Variants in CAP1 observed in about 807,000 individuals in gnomAD.
The protein encoded by CAP1 is cyclase associated actin cytoskeleton regulatory protein 1, also known as adenylyl cyclase-associated protein 1.
Under a neutral mutation model 58.2 loss-of-function variants are expected in CAP1, and 11 were observed. That is an observed-to-expected ratio of 0.19 (90% confidence interval 0.12 to 0.31). The LOEUF (loss-of-function observed/expected upper bound fraction) is 0.31, where lower values mean the gene tolerates loss of function less well. CAP1 is among the 10% of genes least tolerant of loss of function. The pLI is 1.00. For synonymous variants in CAP1, 183 were observed against 213.8 expected (o/e 0.86, Z 1.26); for missense variants, 423 against 587.5 (o/e 0.72, Z 2.89).
intron 11 of CAP1, 24 bp downstream of exon 11, chr1:40,070,536 CT>C: frequency 6.5e-7 from 1 of 1,548,332 alleles, no homozygotes; most frequent in Non-Finnish European, 8.9e-7. Context: ...TTGGCTCCTT[CT>C]TTTTGTCCCT....
At chr1:40,049,603 C>T (rs905357079) in intron 1 of CAP1, among the ~76,000 whole-genome samples, 4 of 152,156 alleles carry the variant, frequency 2.6e-5, no homozygotes, top group African/African-American at 9.7e-5. Context: ...AAAAGCTTGT[C>T]TGTTCTCATG....
chr1:40,070,814 G>A (rs755419610), intron 11 of CAP1, 22 bp from the exon 12 acceptor site: 45 of 1,595,146 alleles, frequency 2.8e-5, no homozygotes, highest in Non-Finnish European at 3.8e-5. Flanking sequence ...CTGGGACTCA[G>A]TTCTCTTTGT....
At chr1:40,048,006 GAGA>G (rs1343771650) in intron 1 of CAP1, among the ~76,000 whole-genome samples, 1 of 152,002 alleles carries the variant, frequency 6.6e-6, no homozygotes, top group East Asian at 1.9e-4. Flanking sequence ...CAAATGCTTA[GAGA>G]AGAACAGTGG....
At chr1:40,044,311 A>G (rs1645981380) in intron 1 of CAP1, among the ~76,000 whole-genome samples, 1 of 152,170 alleles carries the variant, frequency 6.6e-6, no homozygotes, top group Admixed American at 6.5e-5. Flanking sequence ...ACTTAAGCAA[A>G]TGCAATGTGT....
intron 1 of CAP1, among the ~76,000 whole-genome samples, chr1:40,044,579 T>C (rs904054268): frequency 6.6e-6 from 1 of 152,160 alleles, no homozygotes; most frequent in Admixed American, 6.5e-5. Context: ...TTACAAAGAA[T>C]AAATTCTGAA....
In CAP1 at chr1:40,063,261, T is replaced by C. The variant is rs1013912074; in HGVS notation, c.295-966T>C. ...GGCAGGATCTCGGCTCACTGAAACC[T>C]CCACCTCCCAGGCTCAAGTGATTCT... On this transcript the variant is annotated intron_variant, in intron 4 of 12. Coordinates refer to ENST00000372805, the MANE Select transcript of CAP1 (RefSeq NM_006367.4). Among the ~76,000 whole-genome samples, 9 of 151,978 alleles carry C rather than the reference T, an allele frequency of 5.9e-5. 1 individual carries two copies. The highest frequency in any genetic ancestry group is 1.2e-4 in the Non-Finnish European group (8 of 68,010).
intron 1 of CAP1, among the ~76,000 whole-genome samples, chr1:40,056,286 T>A (rs1235595297): frequency 6.9e-6 from 1 of 144,242 alleles, no homozygotes; most frequent in Non-Finnish European, 1.5e-5. Context: ...TAGCGATGTC[T>A]AGGTGAAAGC....
Position 40,059,404 on chromosome 1 carries a change from G to A in CAP1, c.58G>A (p.Ala20Thr). ...GGAGAGGGCAGTGGGCCGCCTGGAG[G>A]CAGTATCTCATACCTCTGACATGCA... The part of the protein sequence containing the change: ...RLERAVGRLE[A>T]VSHTSDMHRG... Residue 20 changes from alanine to threonine, a missense_variant, in exon 2 of 13, where the codon GCA becomes ACA. Transcript: ENST00000372805. 6.2e-7 allele frequency: 1 copy of A among 1,613,992 alleles called. No individual in the cohort carries two copies. Among genetic ancestry groups the A allele is most frequent in the South Asian group, 1.1e-5 (1 of 91,080 alleles).
Position 40,059,293 on chromosome 1 carries a change from A to T in CAP1, c.-10-44A>T, listed in dbSNP as rs1419590259. 14 of 1,162,170 alleles carry T rather than the reference A, an allele frequency of 1.2e-5. No individual in the cohort carries two copies. The Admixed American group carries it at 1.5e-4, about 13-fold the overall frequency. 72.0% of individuals were successfully genotyped at this position (1,162,170 alleles called of 1,614,324 possible). A position where few individuals can be genotyped will look rare whatever the true frequency, so the allele number is the denominator to read the frequency against. ...TTCTGTTTTTTTCTCTGTAGGTGCTATTTAATATTTAAATAACAAATGACA... is the reference window on the plus strand; with the variant it reads ...TTCTGTTTTTTTCTCTGTAGGTGCTTTTTAATATTTAAATAACAAATGACA... On this transcript the variant is annotated intron_variant, in intron 1 of 12. Coordinates refer to ENST00000372805, the MANE Select transcript of CAP1 (RefSeq NM_006367.4).
chr1:40,063,024 G>T (rs960037407), intron 4 of CAP1, among the ~76,000 whole-genome samples: 1 of 151,738 alleles, frequency 6.6e-6, no homozygotes, highest in Non-Finnish European at 1.5e-5. Context: ...TTGAGACAGG[G>T]TGTTGTTTTG....
At chr1:40,043,942 A>G (rs1645962832) in intron 1 of CAP1, among the ~76,000 whole-genome samples, 1 of 152,194 alleles carries the variant, frequency 6.6e-6, no homozygotes, top group Non-Finnish European at 1.5e-5. Flanking sequence ...TTGGGTAGGC[A>G]TAATTGATAT....
At chr1:40,056,629 T>C (rs916918068) in intron 1 of CAP1, among the ~76,000 whole-genome samples, 8 of 152,172 alleles carry the variant, frequency 5.3e-5, no homozygotes, top group Non-Finnish European at 1.0e-4. Context: ...ATGAATGGCC[T>C]GAGCTAGATG....
intron 1 of CAP1, among the ~76,000 whole-genome samples, chr1:40,044,755 G>A (rs977647436): frequency 2.1e-5 from 3 of 141,798 alleles, no homozygotes; most frequent in Admixed American, 1.4e-4. Context: ...GTTTCTCAAC[G>A]TTGGCACAAT....
intron 1 of CAP1, among the ~76,000 whole-genome samples, chr1:40,050,516 G>A (rs1311978926): frequency 9.5e-5 from 13 of 136,858 alleles, no homozygotes; most frequent in Non-Finnish European, 1.7e-4. Context: ...AAAATTCGCC[G>A]GGCGTGGTGG....
chr1:40,059,690 T>G (rs975679276), intron 2 of CAP1, among the ~76,000 whole-genome samples: 11 of 152,204 alleles, frequency 7.2e-5, no homozygotes, highest in Non-Finnish European at 1.5e-4. Flanking sequence ...CTGCTCTTTC[T>G]TTAGCAGAAT....
Position 40,070,479 on chromosome 1 carries a change from G to A in CAP1, c.1167G>A (p.Val389=). ...GLVFDDVVGI[V]EIINSKDVKV... is the part of the protein sequence containing the mutation. ...TATTCGATGACGTGGTGGGCATTGTGGAGATAATCAACAGTAAGGATGTCA... is the reference window on the plus strand; with the variant it reads ...TATTCGATGACGTGGTGGGCATTGTAGAGATAATCAACAGTAAGGATGTCA... Residue 389 remains valine (V), a synonymous_variant, in exon 11 of 13, where the codon GTG becomes GTA. Transcript: ENST00000372805. 5 of 1,614,072 alleles carry A rather than the reference G, an allele frequency of 3.1e-6. No individual in the cohort carries two copies. Among genetic ancestry groups the A allele is most frequent in the African/African-American group, 1.3e-5 (1 of 75,044 alleles).
At chr1:40,059,510 A>G (rs1339270449) in intron 2 of CAP1, 52 bp downstream of exon 2, 1 of 1,111,494 alleles carries the variant, frequency 9.0e-7, no homozygotes, top group African/African-American at 1.5e-5. Context: ...CTTGGCCTGA[A>G]AATTTTCTAT....
chr1:40,048,050 C>G, intron 1 of CAP1, among the ~76,000 whole-genome samples: 1 of 144,966 alleles, frequency 6.9e-6, no homozygotes, highest in East Asian at 2.0e-4. Context: ...TAGATGGCAT[C>G]TTTTTTTTTT....
chr1:40,067,525 C>A lies in CAP1; in HGVS notation c.631-15C>A, dbSNP rs759987106. On this transcript the variant is annotated splice_polypyrimidine_tract_variant and intron_variant, in intron 7 of 12. Transcript: ENST00000372805. ...GCAGAGAGGATGATGATGTTACCTGCACTTATTGTTCCAGGGGCCTGTGGC... is the reference window on the plus strand; with the variant it reads ...GCAGAGAGGATGATGATGTTACCTGAACTTATTGTTCCAGGGGCCTGTGGC... 4 of 1,599,432 alleles carry A rather than the reference C, an allele frequency of 2.5e-6. 1 individual carries two copies. The South Asian group carries it at 4.5e-5, about 18-fold the overall frequency.
Sources: gnomAD v4.1 joint callset for allele counts (sites outside exome capture counted in the v4.1 genomes callset) on GRCh38, gnomAD v4.1.1 for gene constraint, MANE v1.5 for transcripts, NCBI Gene and HGNC (gene_info 2026-07-23, HGNC 2026-07-21) for gene names.